SLC5A4: variants seen among roughly 807,000 people sequenced by gnomAD.
SLC5A4 encodes the protein solute carrier family 5 member 4.
In SLC5A4, 55 loss-of-function variants were observed where a neutral mutation model predicts 70.3. The ratio of observed to expected loss-of-function variants is 0.78; its 90% CI spans 0.63 to 0.98. The LOEUF is 0.98. Among genes scored for constraint, SLC5A4 ranks in the 50% least tolerant of loss-of-function variants. The pLI is 0.00. For missense variants in SLC5A4, 735 were observed against 839.2 expected (o/e 0.88, Z 1.53); for synonymous variants, 268 against 305.7 (o/e 0.88, Z 1.29).
chr22:32,273,332 T>C, the SLC5A4 span: 2 of 200,258 alleles, frequency 1.0e-5, no homozygotes, highest in Non-Finnish European at 2.1e-5. Flanking sequence ...ACATCTGTTG[T>C]AATATTGTTT....
intron 1 of SLC5A4, 75 bp from the exon 2 acceptor site, chr22:32,254,288 G>T (rs1819015382): frequency 4.7e-6 from 5 of 1,060,680 alleles, no homozygotes. Flanking sequence ...TCTGGCCAGG[G>T]TGCTGAGAGG....
chr22:32,229,133 A>G, intron 11 of SLC5A4, 61 bp downstream of exon 11: 1 of 1,488,834 alleles, frequency 6.7e-7, no homozygotes. Context: ...AGGGAACTCT[A>G]GTTCACTTCT....
chr22:32,276,561 T>C, the SLC5A4 span: 5 of 152,230 alleles, frequency 3.3e-5, no homozygotes, highest in Non-Finnish European at 7.3e-5. Flanking sequence ...TGAATCTTCT[T>C]TATTCATTAA....
At chr22:32,352,595 A>T in the SLC5A4 span, among the ~76,000 whole-genome samples, 8 of 151,902 alleles carry the variant, frequency 5.3e-5, no homozygotes, top group African/African-American at 1.7e-4. Flanking sequence ...CCCTGGCTGC[A>T]CCTCCACCGC....
At chr22:32,292,206 ATAAT>A in the SLC5A4 span, among the ~76,000 whole-genome samples, 24 of 70,852 alleles carry the variant, frequency 3.4e-4, 1 homozygote, top group Middle Eastern at 9.1e-3. Flanking sequence ...TAGATATTAT[ATAAT>A]ATATATATTA....
At chr22:32,282,303 G>A in the SLC5A4 span, among the ~76,000 whole-genome samples, 21 of 152,052 alleles carry the variant, frequency 1.4e-4, no homozygotes, top group Non-Finnish European at 2.5e-4. Context: ...ACCCAGGGTC[G>A]GCTGGCAGAC....
chr22:32,218,737 A>T lies in SLC5A4; in HGVS notation c.1769-12T>A. 8 of 1,600,572 alleles carry T rather than the reference A, an allele frequency of 5.0e-6. No homozygotes were observed. Among genetic ancestry groups the T allele is most frequent in the Non-Finnish European group, 6.9e-6 (8 of 1,167,868 alleles). ...TTTCTCAGGATAATCTGGAACAAAG[A>T]TAAGCAAATGATTGCAGAAGATCTA... is the stretch of plus-strand genomic sequence containing the variant. On this transcript the variant is annotated splice_polypyrimidine_tract_variant and intron_variant, in intron 14 of 14. Coordinates refer to ENST00000266086, the MANE Select transcript of SLC5A4 (RefSeq NM_014227.3).
At chr22:32,290,136 G>A in the SLC5A4 span, among the ~76,000 whole-genome samples, 4 of 152,016 alleles carry the variant, frequency 2.6e-5, no homozygotes, top group Non-Finnish European at 5.9e-5. Flanking sequence ...GAATGTGCAG[G>A]TTTGTGACAT....
At chr22:32,343,530 C>T in the SLC5A4 span, among the ~76,000 whole-genome samples, 1 of 152,162 alleles carries the variant, frequency 6.6e-6, no homozygotes, top group African/African-American at 2.4e-5. Flanking sequence ...TGTCGGCTGC[C>T]AACCTCCAGA....
the SLC5A4 span, chr22:32,270,423 C>A: frequency 7.1e-7 from 1 of 1,403,520 alleles, no homozygotes; most frequent in Non-Finnish European, 1.0e-6. Context: ...GGACAGTCAT[C>A]GCCCTGGTGC....
At chr22:32,225,596 G>T in intron 12 of SLC5A4, 59 bp downstream of exon 12, 1 of 1,143,394 alleles carries the variant, frequency 8.7e-7, no homozygotes, top group Non-Finnish European at 1.3e-6. Flanking sequence ...ATACCCCAGT[G>T]AAATAAACGA....
At chr22:32,233,154 A>T (rs1321786868) in intron 8 of SLC5A4, 120 bp from the exon 9 acceptor site, 1 of 1,027,158 alleles carries the variant, frequency 9.7e-7, no homozygotes, top group Non-Finnish European at 1.4e-6. Flanking sequence ...TATACCAAAG[A>T]GCTATCTGCA....
At chr22:32,223,162 G>A (rs1925186072) in intron 13 of SLC5A4, among the ~76,000 whole-genome samples, 1 of 152,136 alleles carries the variant, frequency 6.6e-6, no homozygotes, top group African/African-American at 2.4e-5. Flanking sequence ...ATAATGTTCA[G>A]TGCCCTGTGT....
At chr22:32,225,476 A>G (rs544069956) in intron 12 of SLC5A4, among the ~76,000 whole-genome samples, 179 bp downstream of exon 12, 1 of 152,330 alleles carries the variant, frequency 6.6e-6, no homozygotes, top group Non-Finnish European at 1.5e-5. Context: ...TGTACTATGA[A>G]TGTGCGCTAT....
At chr22:32,243,238 A>T (rs1293256985) in intron 5 of SLC5A4, among the ~76,000 whole-genome samples, 1 of 152,164 alleles carries the variant, frequency 6.6e-6, no homozygotes, top group African/African-American at 2.4e-5. Flanking sequence ...CAAAAGAAAA[A>T]TTGTCATATT....
In SLC5A4 at chr22:32,229,243, T is replaced by C. The variant is rs780502091; in HGVS notation, c.1231A>G (p.Thr411Ala). The change falls in exon 11 of 15, where the codon ACC (threonine) becomes GCC (alanine). Residue 411 changes from threonine (T) to alanine (A), a missense_variant. Transcript: ENST00000266086. ...ASTLFTIDLY[T>A]KMRKQASEKE... ...TCCGACGCTTGCTTCCGCATCTTGG[T>C]GTAGAGGTCAATGGTGAAGAGGGTG... 2 of 1,614,108 alleles carry C rather than the reference T, an allele frequency of 1.2e-6. No individual in the cohort carries two copies. The highest frequency in any genetic ancestry group is 2.2e-5 in the East Asian group (1 of 44,862).
At chr22:32,349,939 C>T in the SLC5A4 span, among the ~76,000 whole-genome samples, 5 of 152,048 alleles carry the variant, frequency 3.3e-5, no homozygotes, top group East Asian at 1.9e-4. Flanking sequence ...CCTTCTTATC[C>T]GCAACTTTCT....
the SLC5A4 span, among the ~76,000 whole-genome samples, chr22:32,261,005 G>A: frequency 6.6e-6 from 1 of 151,674 alleles, no homozygotes; most frequent in Non-Finnish European, 1.5e-5. Flanking sequence ...CCCAGGAGGC[G>A]AAGTTTGCAG....
the SLC5A4 span, among the ~76,000 whole-genome samples, chr22:32,328,097 A>AC: frequency 3.2e-3 from 353 of 108,818 alleles, no homozygotes; most frequent in Non-Finnish European, 6.5e-3. Context: ...CCAACACACA[A>AC]ACACACACAC....
Sources: gnomAD v4.1 joint callset for allele counts (sites outside exome capture counted in the v4.1 genomes callset) on GRCh38, gnomAD v4.1.1 for gene constraint, MANE v1.5 for transcripts, NCBI Gene and HGNC (gene_info 2026-07-23, HGNC 2026-07-21) for gene names.